Variants in RALYL observed in about 807,000 individuals in gnomAD.
RALYL encodes the protein RALY RNA binding protein like.
Under a neutral mutation model 35.1 loss-of-function variants are expected in RALYL, and 29 were observed. The ratio of observed to expected loss-of-function variants is 0.83; its 90% confidence interval spans 0.61 to 1.13. The LOEUF (loss-of-function observed/expected upper bound fraction) is 1.13, where lower values mean the gene tolerates loss of function less well. RALYL is among the 50% of genes most tolerant of loss of function. RALYL has a pLI of 0.00. For missense variants in RALYL, 359 were observed against 360.4 expected (o/e 1.00, Z 0.03); for synonymous variants, 120 against 127.6 (o/e 0.94, Z 0.40).
chr8:84,786,392 A>C (rs1223304661), intron 3 of RALYL, among the ~76,000 whole-genome samples: 1 of 152,164 alleles, frequency 6.6e-6, no homozygotes, highest in African/African-American at 2.4e-5. Flanking sequence ...CAGGTCTTTG[A>C]GGAATCGCCA....
intron 2 of RALYL, among the ~76,000 whole-genome samples, chr8:84,575,354 T>C (rs960734817): frequency 1.3e-5 from 2 of 152,216 alleles, no homozygotes; most frequent in South Asian, 2.1e-4. Flanking sequence ...TAACTTAAGA[T>C]AATTTGAAAG....
At chr8:84,701,461 C>A (rs1482615914) in intron 2 of RALYL, among the ~76,000 whole-genome samples, 2 of 152,130 alleles carry the variant, frequency 1.3e-5, no homozygotes, top group African/African-American at 4.8e-5. Flanking sequence ...TTAATGATTT[C>A]TATACACTCT....
chr8:84,199,017 G>C (rs969427147), intron 1 of RALYL, among the ~76,000 whole-genome samples: 3 of 152,088 alleles, frequency 2.0e-5, no homozygotes. Flanking sequence ...CTCCAGAGTG[G>C]GATTTCGGGA....
chr8:84,595,925 AG>A (rs1588414284), intron 2 of RALYL, among the ~76,000 whole-genome samples: 1 of 152,086 alleles, frequency 6.6e-6, no homozygotes, highest in Non-Finnish European at 1.5e-5. Context: ...CCAGAGGGCA[AG>A]GTGAGAGAAA....
rs1305561838 is a variant in RALYL at position 84,921,253 on chromosome 8, T to C, written c.*342T>C. On this transcript the variant is annotated 3_prime_UTR_variant, in exon 9 of 9. Coordinates refer to ENST00000521268, the MANE Select transcript of RALYL (RefSeq NM_173848.7). Reference sequence around the variant, plus strand: ...GTAAAAGCTATTTTTATGATTAGCATGTTTCACTGTTGATCATATATAAAG... The same window carrying C: ...GTAAAAGCTATTTTTATGATTAGCACGTTTCACTGTTGATCATATATAAAG... The C allele has an allele frequency of 5.7e-6, 1 of 176,788 alleles. No individual in the cohort carries two copies. The highest frequency in any genetic ancestry group is 1.2e-5 in the Non-Finnish European group (1 of 84,852). The allele number at this position is 176,788 out of a possible 1,614,324, so 11.0% of individuals were successfully genotyped here.
At chr8:84,461,765 A>G (rs561510439) in intron 1 of RALYL, among the ~76,000 whole-genome samples, 6 of 151,864 alleles carry the variant, frequency 4.0e-5, no homozygotes, top group Non-Finnish European at 7.4e-5. Flanking sequence ...CTTCAATTGA[A>G]TGGTAGAAAT....
At chr8:84,486,075 G>T (rs999670011) in intron 1 of RALYL, among the ~76,000 whole-genome samples, 13 of 140,382 alleles carry the variant, frequency 9.3e-5, no homozygotes, top group Admixed American at 4.4e-4. Flanking sequence ...GGCTCCACAT[G>T]GTATGATTCC....
chr8:84,220,878 A>G (rs757617111), intron 1 of RALYL, among the ~76,000 whole-genome samples: 3 of 151,970 alleles, frequency 2.0e-5, no homozygotes, highest in Non-Finnish European at 2.9e-5. Context: ...TTACTTTATT[A>G]ATATAAACTA....
At chr8:84,403,524 GT>G (rs769845435) in intron 1 of RALYL, among the ~76,000 whole-genome samples, 614 of 39,354 alleles carry the variant, frequency 0.016, no homozygotes, top group African/African-American at 0.02. Context: ...CTATATCTCT[GT>G]TTTTTTTTTT....
At position 84,879,417 on chromosome 8, in the gene RALYL, T is replaced by A. The variant is rs28476557; in HGVS notation, c.685+6020T>A. Among the ~76,000 whole-genome samples, 1,138 of 152,256 alleles carry A rather than the reference T, an allele frequency of 7.5e-3. 11 individuals are homozygous for A. Among genetic ancestry groups the A allele is most frequent in the African/African-American group, 0.026 (1,092 of 41,554 alleles). On this transcript the variant is annotated intron_variant, in intron 7 of 8. Coordinates refer to ENST00000521268, the MANE Select transcript of RALYL (RefSeq NM_173848.7). The stretch of plus-strand genomic sequence containing the variant: ...AACAACTTAGCTGCACAAAGTACTT[T>A]CACCATAAAAATTGTGTAAAAACTG...
chr8:84,225,417 A>T (rs1823633506), intron 1 of RALYL, among the ~76,000 whole-genome samples: 1 of 152,156 alleles, frequency 6.6e-6, no homozygotes, highest in Non-Finnish European at 1.5e-5. Flanking sequence ...TTACCCTTAG[A>T]ACAATATCCA....
intron 6 of RALYL, chr8:84,872,505 T>A (rs1016653666): frequency 6.6e-6 from 1 of 152,236 alleles, no homozygotes; most frequent in Admixed American, 6.5e-5. Flanking sequence ...AAATAATTAC[T>A]GTAGTCAATA....
intron 1 of RALYL, among the ~76,000 whole-genome samples, chr8:84,367,239 G>C (rs1373791581): frequency 1.4e-5 from 2 of 141,874 alleles, no homozygotes; most frequent in Non-Finnish European, 3.0e-5. Flanking sequence ...AGGCTCAAGC[G>C]ATTCTCCTGC....
At chr8:84,407,950 A>G (rs1030282931) in intron 1 of RALYL, among the ~76,000 whole-genome samples, 8 of 152,104 alleles carry the variant, frequency 5.3e-5, no homozygotes, top group Non-Finnish European at 2.9e-5. Flanking sequence ...AAGTGGCAAG[A>G]CTAGAATATA....
At chr8:84,792,420 G>A (rs1005355765) in intron 3 of RALYL, among the ~76,000 whole-genome samples, 4 of 152,174 alleles carry the variant, frequency 2.6e-5, no homozygotes, top group Admixed American at 6.5e-5. Flanking sequence ...CTGCTGCACC[G>A]TTCTGCCTTT....
chr8:84,532,738 T>C (rs1479961966), intron 2 of RALYL, among the ~76,000 whole-genome samples: 1 of 152,122 alleles, frequency 6.6e-6, no homozygotes, highest in Non-Finnish European at 1.5e-5. Context: ...ATTTACTGCA[T>C]GTTTAAAATA....
At chr8:84,717,543 C>CCACATTGTTA (rs1245131624) in intron 2 of RALYL, among the ~76,000 whole-genome samples, 2 of 151,930 alleles carry the variant, frequency 1.3e-5, no homozygotes, top group Admixed American at 1.3e-4. Flanking sequence ...AGTAAGTTGC[C>CCACATTGTTA]CACATTGTTA....
chr8:84,900,762 G>T (rs1845550746), intron 8 of RALYL, among the ~76,000 whole-genome samples: 1 of 152,104 alleles, frequency 6.6e-6, no homozygotes, highest in Admixed American at 6.6e-5. Flanking sequence ...TTACAAGCAT[G>T]TAAGGTAGCA....
chr8:84,414,769 T>C (rs2044464179), intron 1 of RALYL, among the ~76,000 whole-genome samples: 1 of 152,188 alleles, frequency 6.6e-6, no homozygotes, highest in African/African-American at 2.4e-5. Flanking sequence ...ACTTTATTTT[T>C]CCTCAATTAT....
Sources: gnomAD v4.1 joint callset for allele counts (sites outside exome capture counted in the v4.1 genomes callset) on GRCh38, gnomAD v4.1.1 for gene constraint, MANE v1.5 for transcripts, NCBI Gene and HGNC (gene_info 2026-07-23, HGNC 2026-07-21) for gene names.